FBP2: variants seen among roughly 807,000 people sequenced by gnomAD.
FBP2 encodes fructose-bisphosphatase 2, also known as fructose-1,6-bisphosphatase isozyme 2.
A neutral mutation model predicts 31.6 loss-of-function variants in FBP2; 27 were observed. The ratio of observed to expected loss-of-function variants is 0.85; its 90% confidence interval spans 0.63 to 1.18. The LOEUF (loss-of-function observed/expected upper bound fraction) is 1.18, where lower values mean the gene tolerates loss of function less well. Among genes scored for constraint, FBP2 ranks in the 50% most tolerant of loss-of-function variants. The probability of loss-of-function intolerance (pLI) is 0.00; values close to 1 mark genes in which losing one functional copy is unlikely to be tolerated. For synonymous variants in FBP2, 168 were observed against 179.8 expected, an observed-to-expected ratio of 0.93 and a Z score of 0.53; for missense variants, 421 against 436.1, an observed-to-expected ratio of 0.97 and a Z score of 0.31.
chr9:94,587,872 G>A (rs759766804), intron 1 of FBP2, among the ~76,000 whole-genome samples: 36 of 151,476 alleles, frequency 2.4e-4, no homozygotes, highest in Middle Eastern at 6.8e-3. Flanking sequence ...TTTTTGAAAC[G>A]GAGTCTTGCT....
intron 1 of FBP2, 126 bp from the exon 2 acceptor site, chr9:94,587,595 C>T (rs969494028): frequency 3.6e-6 from 3 of 823,624 alleles, no homozygotes; most frequent in Non-Finnish European, 2.0e-6. Flanking sequence ...CTCCAAGTCA[C>T]ACGTGCAGAA....
At position 94,571,334 on chromosome 9, in the gene FBP2, G is replaced by A. The variant is rs921548552; in HGVS notation, c.567+128C>T. ...TGATGGTTTTGGCTCCCCAAACTAG[G>A]CTCTCAGGACCCCTGGTCCCCAAAA... is the stretch of plus-strand genomic sequence containing the variant. On this transcript the variant is annotated intron_variant, in intron 4 of 6. Transcript: ENST00000375337. 18 of 984,256 alleles carry A rather than the reference G, an allele frequency of 1.8e-5. No homozygotes were observed. The Admixed American group carries it at 5.8e-4, about 32-fold the overall frequency. 61.0% of individuals were successfully genotyped at this position (984,256 alleles called of 1,614,324 possible).
intron 2 of FBP2, among the ~76,000 whole-genome samples, chr9:94,586,458 C>T (rs1827429201): frequency 1.3e-5 from 2 of 151,966 alleles, no homozygotes; most frequent in Admixed American, 1.3e-4. Context: ...TGGCTTAGGC[C>T]AATAGGAGAA....
intron 2 of FBP2, among the ~76,000 whole-genome samples, chr9:94,586,100 G>T (rs1378852773): frequency 1.3e-5 from 2 of 152,170 alleles, no homozygotes; most frequent in African/African-American, 4.8e-5. Flanking sequence ...CACGGGCCAG[G>T]CATGGTGGCT....
chr9:94,568,389 C>T (rs79849403), intron 4 of FBP2: 12,558 of 152,182 alleles, frequency 0.083, 564 homozygotes, highest in South Asian at 0.16. Flanking sequence ...CTCAAATACC[C>T]CTATGTCTAG....
intron 1 of FBP2, among the ~76,000 whole-genome samples, chr9:94,589,118 C>T (rs1300186148): frequency 6.6e-6 from 1 of 151,056 alleles, no homozygotes; most frequent in Admixed American, 6.5e-5. Flanking sequence ...TGTCTGTGAG[C>T]TTCCACAATG....
At chr9:94,581,229 T>A (rs916884108) in intron 3 of FBP2, among the ~76,000 whole-genome samples, 1 of 152,066 alleles carries the variant, frequency 6.6e-6, no homozygotes, top group African/African-American at 2.4e-5. Flanking sequence ...GTGGAAGAAG[T>A]GAGCGTCTGA....
At chr9:94,590,185 G>A (rs1034809793) in intron 1 of FBP2, among the ~76,000 whole-genome samples, 1 of 152,126 alleles carries the variant, frequency 6.6e-6, no homozygotes, top group East Asian at 1.9e-4. Flanking sequence ...GAGATGATGG[G>A]GGAAAGGGGC....
intron 1 of FBP2, among the ~76,000 whole-genome samples, chr9:94,593,216 C>A (rs549528872): frequency 6.6e-6 from 1 of 152,188 alleles, no homozygotes; most frequent in Non-Finnish European, 1.5e-5. Context: ...TCACGTCACC[C>A]CTCTACTTCT....
rs2131450802 is a variant in FBP2, at chr9:94,571,511, AG to A, written c.517del (p.Leu173TrpfsTer40). The A allele has an allele frequency of 6.2e-7, 1 of 1,614,044 alleles. No individual in the cohort carries two copies. Among genetic ancestry groups the A allele is most frequent in the East Asian group, 2.2e-5 (1 of 44,876 alleles). On this transcript the variant is annotated frameshift_variant, in exon 4 of 7. Transcript: ENST00000375337. LOFTEE classifies it high-confidence loss of function. ...GCCTTGCCCTGTGGAGAGAGCCACC[AG>A]GGTTGCACTACCGTACAGCGCATAA... Reference protein sequence around the residue: ...AGYALYGSATLVALSTGQGVD... With the variant: ...AGYALYGSATXVALSTGQGVD...
intron 6 of FBP2, among the ~76,000 whole-genome samples, chr9:94,560,737 CATATA>C (rs963385793): frequency 1.4e-4 from 20 of 146,930 alleles, no homozygotes; most frequent in African/African-American, 4.5e-4. Context: ...TATATATTTA[CATATA>C]ATATGTTATA....
intron 2 of FBP2, among the ~76,000 whole-genome samples, chr9:94,585,267 T>TAAAA (rs112310825): frequency 3.0e-4 from 46 of 151,930 alleles, no homozygotes; most frequent in African/African-American, 1.1e-3. Context: ...TCCAATTTTT[T>TAAAA]AAAAAAAAAT....
intron 5 of FBP2, among the ~76,000 whole-genome samples, chr9:94,564,217 G>A (rs1827152651): frequency 6.6e-6 from 1 of 152,088 alleles, no homozygotes; most frequent in Non-Finnish European, 1.5e-5. Context: ...AGTAAAATTG[G>A]AACACACAAT....
At chr9:94,587,926 G>A (rs568851696) in intron 1 of FBP2, among the ~76,000 whole-genome samples, 2 of 152,218 alleles carry the variant, frequency 1.3e-5, no homozygotes, top group East Asian at 3.9e-4. Context: ...TCTGCTCACT[G>A]CAAGCTCCGC....
chr9:94,585,529 GAGCC>G (rs1156609077), intron 2 of FBP2, among the ~76,000 whole-genome samples: 1 of 150,012 alleles, frequency 6.7e-6, no homozygotes, highest in Non-Finnish European at 1.5e-5. Context: ...GGGGGCTGGA[GAGCC>G]ATGAGGGGGG....
intron 3 of FBP2, among the ~76,000 whole-genome samples, chr9:94,575,213 C>G (rs1048561382): frequency 4.6e-5 from 7 of 152,036 alleles, no homozygotes; most frequent in Non-Finnish European, 2.9e-5. Flanking sequence ...ACATCCAGAT[C>G]CATTTATATA....
At chr9:94,593,448 C>T in intron 1 of FBP2, 109 bp downstream of exon 1, 1 of 1,012,616 alleles carries the variant, frequency 9.9e-7, no homozygotes, top group Non-Finnish European at 1.4e-6. Context: ...CTAGGGCACA[C>T]AGGGCCAATA....
intron 1 of FBP2, among the ~76,000 whole-genome samples, 199 bp downstream of exon 1, chr9:94,593,358 G>C (rs1216746559): frequency 1.3e-5 from 2 of 152,192 alleles, no homozygotes; most frequent in African/African-American, 4.8e-5. Flanking sequence ...TTCATAGCAT[G>C]TTTTCGTTCC....
intron 5 of FBP2, among the ~76,000 whole-genome samples, chr9:94,564,247 A>G (rs1266935030): frequency 1.3e-5 from 2 of 152,246 alleles, no homozygotes; most frequent in Admixed American, 6.5e-5. Flanking sequence ...AACAATCCTC[A>G]GCAAATGCAA....
Sources: gnomAD v4.1 joint callset for allele counts (sites outside exome capture counted in the v4.1 genomes callset) on GRCh38, gnomAD v4.1.1 for gene constraint, MANE v1.5 for transcripts, NCBI Gene and HGNC (gene_info 2026-07-23, HGNC 2026-07-21) for gene names.